Variants in PCSK5 observed in about 807,000 individuals in gnomAD.
PCSK5 encodes prohormone convertase 5.
PCSK5 carries 129 observed loss-of-function variants against 233.2 expected under a neutral mutation model. The ratio of observed to expected loss-of-function variants is 0.55; its 90% CI spans 0.48 to 0.64. PCSK5 has a LOEUF of 0.64. Ranked by LOEUF, PCSK5 falls within the 30% of genes least tolerant of loss-of-function variation. The pLI is 0.00. For missense variants in PCSK5, 2,076 were observed against 2,430.1 expected (o/e 0.85, Z 3.06); for synonymous variants, 825 against 879.2 (o/e 0.94, Z 1.09).
chr9:75,988,347 TC>T (rs1263535247), intron 3 of PCSK5, among the ~76,000 whole-genome samples: 2 of 151,798 alleles, frequency 1.3e-5, no homozygotes, highest in Non-Finnish European at 2.9e-5. Context: ...AGTGATGTGG[TC>T]TCAGCTCACT....
intron 10 of PCSK5, among the ~76,000 whole-genome samples, chr9:76,141,980 C>T (rs1018707687): frequency 1.3e-5 from 2 of 151,796 alleles, no homozygotes; most frequent in African/African-American, 4.8e-5. Context: ...CCTACTTGAG[C>T]GGGGAGCGTG....
chr9:76,040,385 G>GTCTCTCTGTCTCTCTCTCTCTC (rs1563988638), intron 5 of PCSK5, among the ~76,000 whole-genome samples: 3 of 80,668 alleles, frequency 3.7e-5, no homozygotes, highest in Admixed American at 2.9e-4. Flanking sequence ...CTCTCTCTCT[G>GTCTCTCTGTCTCTCTCTCTCTC]TCTCTCTCTC....
Position 76,040,383 on chromosome 9 carries a change from CTG to C in PCSK5, c.632+13348_632+13349del, listed in dbSNP as rs3074152. 2.5e-3 allele frequency among the ~76,000 whole-genome samples: 150 copies of C among 59,476 alleles called. 6 individuals are homozygous for C. The highest frequency in any genetic ancestry group is 0.013 in the East Asian group (20 of 1,490). The allele number at this position is 59,476 out of a possible 152,430, so 39.0% of individuals were successfully genotyped here. A position where few individuals can be genotyped will look rare whatever the true frequency, so the allele number is the denominator to read the frequency against. On this transcript the variant is annotated intron_variant, in intron 5 of 37. Transcript: ENST00000674117. ...TCTCTCTCTCTCTCTCTCTCTCTCT[CTG>C]TCTCTCTCTCTCTCTCTCTCTCTCT...
At chr9:76,134,404 T>G (rs1331665709) in intron 10 of PCSK5, among the ~76,000 whole-genome samples, 192 bp downstream of exon 10, 1 of 152,054 alleles carries the variant, frequency 6.6e-6, no homozygotes, top group Non-Finnish European at 1.5e-5. Flanking sequence ...AAGGGAGATT[T>G]CTTTGGCTTC....
Position 76,013,665 on chromosome 9 carries a change from G to A in PCSK5, c.412-10073G>A, listed in dbSNP as rs570651417. Among the ~76,000 whole-genome samples the A allele has an allele frequency of 7.9e-5, 12 of 152,256 alleles. No individual in the cohort carries two copies. In the South Asian group the frequency reaches 2.5e-3, roughly 32 times the overall value. ...AAAGATAATGATTATGTTGTCAAAA[G>A]CTGATTGCAGAATGAATGAAGGTTT... is the stretch of plus-strand genomic sequence containing the variant. On this transcript the variant is annotated intron_variant, in intron 3 of 37. Coordinates refer to ENST00000674117, the MANE Select transcript of PCSK5 (RefSeq NM_001372043.1).
chr9:76,055,229 CTATT>C (rs1829778744), intron 5 of PCSK5, among the ~76,000 whole-genome samples: 1 of 152,074 alleles, frequency 6.6e-6, no homozygotes, highest in Admixed American at 6.5e-5. Context: ...TTTTATGTAT[CTATT>C]TATTTGTTAT....
chr9:75,926,289 G>A (rs1360871963), intron 1 of PCSK5, among the ~76,000 whole-genome samples: 1 of 152,194 alleles, frequency 6.6e-6, no homozygotes, highest in Non-Finnish European at 1.5e-5. Context: ...CCTGTATATA[G>A]TTGGCTGAGT....
At chr9:76,218,825 G>A (rs776489921) in intron 20 of PCSK5, among the ~76,000 whole-genome samples, 2 of 151,282 alleles carry the variant, frequency 1.3e-5, no homozygotes, top group Non-Finnish European at 3.0e-5. Flanking sequence ...TGCTTCTTAC[G>A]ATGCTGACCC....
chr9:76,021,312 A>G (rs1828176357), intron 3 of PCSK5, among the ~76,000 whole-genome samples: 1 of 152,096 alleles, frequency 6.6e-6, no homozygotes, highest in African/African-American at 2.4e-5. Context: ...ATTGCATAGA[A>G]CAGAGAGAGA....
At chr9:76,332,903 ACTGTGGCTCATGC>A (rs1829576165) in intron 34 of PCSK5, among the ~76,000 whole-genome samples, 1 of 152,258 alleles carries the variant, frequency 6.6e-6, no homozygotes, top group South Asian at 2.1e-4. Context: ...GCAGCTGGGC[ACTGTGGCTCATGC>A]CTGTAATCCC....
At chr9:76,220,696 T>C (rs1007824387) in intron 20 of PCSK5, among the ~76,000 whole-genome samples, 2 of 152,086 alleles carry the variant, frequency 1.3e-5, no homozygotes, top group African/African-American at 2.4e-5. Context: ...TTTTGAAATA[T>C]GTATACATTA....
intron 12 of PCSK5, among the ~76,000 whole-genome samples, chr9:76,160,962 C>T (rs1218003106): frequency 2.0e-5 from 3 of 152,014 alleles, no homozygotes; most frequent in Non-Finnish European, 4.4e-5. Flanking sequence ...TTAGTAGAGA[C>T]GGGGTTTCAC....
At chr9:75,950,140 T>TGG (rs35006093) in intron 2 of PCSK5, among the ~76,000 whole-genome samples, 2 of 96,558 alleles carry the variant, frequency 2.1e-5, no homozygotes, top group Non-Finnish European at 2.0e-5. Flanking sequence ...CTTGTGTGTG[T>TGG]GTGTGGGGGG....
intron 23 of PCSK5, 37 bp from the exon 24 acceptor site, chr9:76,240,579 G>A (rs1242612168): frequency 7.3e-7 from 1 of 1,374,458 alleles, no homozygotes; most frequent in African/African-American, 1.4e-5. Flanking sequence ...CCACTCAATG[G>A]AAATGAGTTG....
intron 12 of PCSK5, among the ~76,000 whole-genome samples, chr9:76,159,946 C>T (rs924488859): frequency 6.6e-6 from 1 of 151,420 alleles, no homozygotes; most frequent in African/African-American, 2.4e-5. Flanking sequence ...CCTCAGCCTC[C>T]TGAGTAGCTG....
At position 76,023,833 on chromosome 9, in the gene PCSK5, C is replaced by T. The variant is rs192980484; in HGVS notation, c.507C>T (p.Ile169=). The change falls in exon 4 of 38, where the codon ATC becomes ATT. Residue 169 remains isoleucine, a synonymous_variant. Transcript: ENST00000674117. ...CGGGAAAGAACATTGTGGTCACTAT[C>T]CTGGATGACGGAATTGAGAGAACCC... ...GYTGKNIVVT[I]LDDGIERTHP... The T allele has an allele frequency of 2.5e-5, 40 of 1,613,392 alleles. No individual in the cohort carries two copies. In the Admixed American group the frequency reaches 4.5e-4, roughly 18 times the overall value.
intron 9 of PCSK5, among the ~76,000 whole-genome samples, chr9:76,112,828 G>A (rs115949676): frequency 0.013 from 2,011 of 152,010 alleles, 39 homozygotes; most frequent in African/African-American, 0.046. Flanking sequence ...ATCGTTCTGG[G>A]GGAAGGGTTG....
intron 24 of PCSK5, among the ~76,000 whole-genome samples, chr9:76,267,100 C>A (rs936000149): frequency 4.6e-5 from 7 of 152,118 alleles, no homozygotes; most frequent in African/African-American, 1.7e-4. Context: ...AGAACAATGG[C>A]CTTGGAATCA....
intron 2 of PCSK5, among the ~76,000 whole-genome samples, chr9:75,958,929 T>C (rs1825215166): frequency 6.6e-6 from 1 of 152,244 alleles, no homozygotes; most frequent in Non-Finnish European, 1.5e-5. Flanking sequence ...TCTAGAGGGC[T>C]GATAGACACA....
Sources: allele counts gnomAD v4.1 joint callset (sites outside exome capture counted in the v4.1 genomes callset), GRCh38; gene constraint gnomAD v4.1.1; transcripts MANE v1.5; gene names NCBI Gene and HGNC (gene_info 2026-07-23, HGNC 2026-07-21).